Variants in MICU3 observed in about 807,000 individuals in gnomAD.
MICU3 encodes mitochondrial calcium uptake 3.
In MICU3, 62 loss-of-function variants were observed where a neutral mutation model predicts 66.5. The observed-to-expected ratio is 0.93, with a 90% CI of 0.76 to 1.15. The LOEUF is 1.15. MICU3 is among the 50% of genes most tolerant of loss of function. MICU3 has a pLI of 0.00. For synonymous variants in MICU3, 308 were observed against 240.7 expected (o/e 1.28, Z -2.59); for missense variants, 779 against 664.4 (o/e 1.17, Z -1.90).
chr8:17,108,625 C>T (rs6992680), intron 11 of MICU3, among the ~76,000 whole-genome samples: 37,188 of 152,000 alleles, frequency 0.24, 4,710 homozygotes, highest in East Asian at 0.37. Context: ...AATTTAACCA[C>T]TCCTAGCCAC....
chr8:17,132,663 C>G, the MICU3 span: 1 of 152,176 alleles, frequency 6.6e-6, no homozygotes, highest in Non-Finnish European at 1.5e-5. Flanking sequence ...AATCTTTCTC[C>G]AATTCAGTGG....
intron 7 of MICU3, among the ~76,000 whole-genome samples, 158 bp from the exon 8 acceptor site, chr8:17,090,388 A>G (rs934290671): frequency 2.1e-4 from 32 of 152,250 alleles, no homozygotes; most frequent in African/African-American, 7.2e-4. Flanking sequence ...TTTAACATTT[A>G]TCCCACTTGT....
chr8:17,076,592 C>G lies in MICU3; in HGVS notation c.568-1191C>G, dbSNP rs187270896. On this transcript the variant is annotated intron_variant, in intron 3 of 14. Coordinates refer to ENST00000318063, the MANE Select transcript of MICU3 (RefSeq NM_181723.3). ...AATCCCCTAAAAATGCTGTTCCTGC[C>G]TTTGACATACCAAGAATTTTTCTTC... Among the ~76,000 whole-genome samples the G allele has an allele frequency of 7.4e-4, 112 of 152,260 alleles. 1 individual carries two copies. Among genetic ancestry groups the G allele is most frequent in the Admixed American group, 3.0e-3 (46 of 15,286 alleles).
chr8:17,074,211 G>A (rs575090232), intron 3 of MICU3, among the ~76,000 whole-genome samples: 1 of 152,112 alleles, frequency 6.6e-6, no homozygotes, highest in South Asian at 2.1e-4. Context: ...TCTAGAGGCT[G>A]TTTGGTAATG....
intron 1 of MICU3, among the ~76,000 whole-genome samples, chr8:17,059,834 A>G (rs545028779): frequency 6.6e-5 from 10 of 152,354 alleles, no homozygotes; most frequent in Non-Finnish European, 1.0e-4. Flanking sequence ...ATTAAAAGAC[A>G]TAGTTGAAGA....
intron 5 of MICU3, among the ~76,000 whole-genome samples, chr8:17,082,434 A>G (rs1229839969): frequency 1.3e-5 from 2 of 152,056 alleles, no homozygotes; most frequent in Admixed American, 1.3e-4. Flanking sequence ...TCTCTAACAT[A>G]GCTCCCTCTC....
At chr8:17,133,980 A>C in the MICU3 span, among the ~76,000 whole-genome samples, 1 of 152,214 alleles carries the variant, frequency 6.6e-6, no homozygotes, top group Non-Finnish European at 1.5e-5. Flanking sequence ...TTCAATAGCC[A>C]CATGTAAATT....
rs181034283 is a variant in MICU3, at chr8:17,088,385, G to A, written c.849+1350G>A. ...CATGAATAGCCCCATAATTGCAACT[G>A]TTTAGAGTATTAGCAAAGAAGACTA... is the stretch of plus-strand genomic sequence containing the variant. On this transcript the variant is annotated intron_variant, in intron 7 of 14. Transcript: ENST00000318063. 3.3e-5 allele frequency among the ~76,000 whole-genome samples: 5 copies of A among 152,036 alleles called. No individual in the cohort carries two copies. The East Asian group carries it at 7.8e-4, about 24-fold the overall frequency.
At chr8:17,059,116 A>C (rs1788489346) in intron 1 of MICU3, among the ~76,000 whole-genome samples, 1 of 152,228 alleles carries the variant, frequency 6.6e-6, no homozygotes, top group African/African-American at 2.4e-5. Context: ...TGGAAACTAT[A>C]TAAGCTTAAA....
At chr8:17,114,787 A>G (rs185742048) in intron 12 of MICU3, among the ~76,000 whole-genome samples, 33 of 152,110 alleles carry the variant, frequency 2.2e-4, no homozygotes, top group Admixed American at 3.9e-4. Flanking sequence ...AGGTGATTTT[A>G]CCTGTCTCTG....
chr8:17,031,430 C>T (rs1812054540), intron 1 of MICU3, among the ~76,000 whole-genome samples: 2 of 151,586 alleles, frequency 1.3e-5, no homozygotes, highest in African/African-American at 2.4e-5. Flanking sequence ...GGATTACAGG[C>T]GCCGGCCACC....
intron 1 of MICU3, among the ~76,000 whole-genome samples, chr8:17,055,043 G>A (rs188656891): frequency 7.2e-5 from 11 of 152,102 alleles, no homozygotes; most frequent in Non-Finnish European, 1.3e-4. Context: ...AGCCCCAAAC[G>A]TTTTCTTAAT....
chr8:17,127,760 T>G, the MICU3 span, among the ~76,000 whole-genome samples: 2 of 152,198 alleles, frequency 1.3e-5, no homozygotes, highest in African/African-American at 4.8e-5. Flanking sequence ...CCCAGATATG[T>G]GAGGTTTTAA....
chr8:17,060,934 A>G (rs1293811787), intron 1 of MICU3, among the ~76,000 whole-genome samples: 3 of 152,020 alleles, frequency 2.0e-5, no homozygotes, highest in African/African-American at 7.3e-5. Flanking sequence ...TATTATTGCT[A>G]AGCCAACAGG....
chr8:17,057,134 A>G (rs1817068340), intron 1 of MICU3, among the ~76,000 whole-genome samples: 1 of 152,244 alleles, frequency 6.6e-6, no homozygotes, highest in Non-Finnish European at 1.5e-5. Context: ...TTAAACAGAC[A>G]GAGTTTAGAA....
rs1819259780 is a variant in MICU3, at chr8:17,069,714, A to G, written c.562A>G (p.Lys188Glu). The change falls in exon 3 of 15, where the codon AAA becomes GAA. Residue 188 changes from lysine (K) to glutamate (E), a missense_variant. Physicochemically the swap from Lys to Glu is moderately conservative, Grantham distance 56. Coordinates refer to ENST00000318063, the MANE Select transcript of MICU3 (RefSeq NM_181723.3). Reference sequence around the variant, plus strand: ...TGCCAAAACTTGGAAGTCACTTTCCAAACAGGTGAGTTAAAGCTCTTGGTA... The same window carrying G: ...TGCCAAAACTTGGAAGTCACTTTCCGAACAGGTGAGTTAAAGCTCTTGGTA... ...KVAKTWKSLS[K>E]QELNQMLAET... 2.6e-6 allele frequency: 4 copies of G among 1,543,700 alleles called. No individual in the cohort carries two copies. Among genetic ancestry groups the G allele is most frequent in the Non-Finnish European group, 3.5e-6 (4 of 1,139,660 alleles).
At chr8:17,042,421 A>T (rs1472398808) in intron 1 of MICU3, among the ~76,000 whole-genome samples, 1 of 152,246 alleles carries the variant, frequency 6.6e-6, no homozygotes, top group African/African-American at 2.4e-5. Context: ...GATTTATGGC[A>T]TTGTCTATCT....
rs539359064 is a variant in MICU3, at chr8:17,050,462, G to C, written c.382-13622G>C. Among the ~76,000 whole-genome samples, 4 of 151,584 alleles carry C rather than the reference G, an allele frequency of 2.6e-5. No homozygotes were observed. The South Asian group carries it at 8.4e-4, about 32-fold the overall frequency. On this transcript the variant is annotated intron_variant, in intron 1 of 14. Coordinates refer to ENST00000318063, the MANE Select transcript of MICU3 (RefSeq NM_181723.3). The stretch of plus-strand genomic sequence containing the variant: ...AATTTCCATTTTTATTGATATTTTT[G>C]TGAAGATTGATAAATGGTCAGTTTA...
chr8:17,132,604 T>G, the MICU3 span: 1 of 152,218 alleles, frequency 6.6e-6, no homozygotes, highest in African/African-American at 2.4e-5. Flanking sequence ...CAATCCACCT[T>G]TCTGCCTGTT....
Sources: allele counts gnomAD v4.1 joint callset (sites outside exome capture counted in the v4.1 genomes callset), GRCh38; gene constraint gnomAD v4.1.1; transcripts MANE v1.5; gene names NCBI Gene and HGNC (gene_info 2026-07-23, HGNC 2026-07-21).